IFT80: variants seen among roughly 807,000 people sequenced by gnomAD.
IFT80 encodes intraflagellar transport protein 80 homolog.
A neutral mutation model predicts 107.9 loss-of-function variants in IFT80; 79 were observed. The ratio of observed to expected loss-of-function variants is 0.73; its 90% confidence interval spans 0.61 to 0.88. The LOEUF (loss-of-function observed/expected upper bound fraction) is 0.88. IFT80 is among the 40% of genes least tolerant of loss of function. The probability of loss-of-function intolerance (pLI) is 0.00; values close to 1 mark genes in which losing one functional copy is unlikely to be tolerated. For missense variants in IFT80, 797 were observed against 914.2 expected, an observed-to-expected ratio of 0.87 and a Z score of 1.65; for synonymous variants, 299 against 300.9, an observed-to-expected ratio of 0.99 and a Z score of 0.07.
chr3:160,332,012 TC>T (rs75947159), intron 8 of IFT80, among the ~76,000 whole-genome samples: 32,078 of 151,998 alleles, frequency 0.21, 3,718 homozygotes, highest in Non-Finnish European at 0.26. Flanking sequence ...CTATAAAATT[TC>T]CCAGTCTGGA....
At chr3:160,334,886 A>T (rs2108323530) in intron 8 of IFT80, among the ~76,000 whole-genome samples, 1 of 151,778 alleles carries the variant, frequency 6.6e-6, no homozygotes, top group African/African-American at 2.4e-5. Context: ...TTCCTGACTT[A>T]CACAGGGAAT....
intron 6 of IFT80, among the ~76,000 whole-genome samples, chr3:160,362,631 G>A (rs1721577806): frequency 6.6e-6 from 1 of 152,154 alleles, no homozygotes; most frequent in Admixed American, 6.6e-5. Flanking sequence ...AAAAAGTACT[G>A]GCAAACTGAA....
At chr3:160,372,081 C>G (rs572016156) in intron 5 of IFT80, among the ~76,000 whole-genome samples, 1 of 152,272 alleles carries the variant, frequency 6.6e-6, no homozygotes, top group East Asian at 1.9e-4. Flanking sequence ...AAGTTAATGA[C>G]TAAAGCTTTT....
chr3:160,301,932 A>G (rs1165957676), intron 11 of IFT80, among the ~76,000 whole-genome samples: 2 of 151,992 alleles, frequency 1.3e-5, no homozygotes, highest in Non-Finnish European at 2.9e-5. Flanking sequence ...GAATGTCTAC[A>G]GTGTATATAT....
At chr3:160,382,663 T>C (rs997901233) in intron 2 of IFT80, among the ~76,000 whole-genome samples, 8 of 152,214 alleles carry the variant, frequency 5.3e-5, no homozygotes, top group African/African-American at 1.4e-4. Context: ...AGATTATTCC[T>C]GGTTGAGTTG....
chr3:160,314,415 C>T (rs1056056110), intron 9 of IFT80, among the ~76,000 whole-genome samples: 1 of 152,158 alleles, frequency 6.6e-6, no homozygotes, highest in South Asian at 2.1e-4. Context: ...TGGGCTGCTT[C>T]CTGGAGGCAA....
At chr3:160,324,630 C>T (rs917763642) in intron 8 of IFT80, among the ~76,000 whole-genome samples, 16 of 152,040 alleles carry the variant, frequency 1.1e-4, no homozygotes, top group Non-Finnish European at 2.2e-4. Context: ...GGACATATCT[C>T]AAAATAATAA....
At position 160,257,301 on chromosome 3, in the gene IFT80, G is replaced by GTGTA. The variant is rs1049483886; in HGVS notation, c.*1223_*1224insTACA. The GTGTA allele has an allele frequency of 6.7e-6, 1 of 150,152 alleles. No homozygotes were observed. Among genetic ancestry groups the GTGTA allele is most frequent in the African/African-American group, 2.4e-5 (1 of 40,938 alleles). 9.3% of individuals were successfully genotyped at this position (150,152 alleles called of 1,614,324 possible). A position where few individuals can be genotyped will look rare whatever the true frequency, so the allele number is the denominator to read the frequency against. On this transcript the variant is annotated 3_prime_UTR_variant, in exon 20 of 20. Transcript: ENST00000326448. ...TCTCTCTATCCCTTTGTGTGTGTGTGTATATATATATATATCATACATAAT... is the reference window on the plus strand; with the variant it reads ...TCTCTCTATCCCTTTGTGTGTGTGTGTGTATATATATATATATATCATACATAAT...
chr3:160,364,944 A>T (rs1391135265), intron 6 of IFT80, among the ~76,000 whole-genome samples: 1 of 152,024 alleles, frequency 6.6e-6, no homozygotes, highest in Non-Finnish European at 1.5e-5. Flanking sequence ...TGGCACATGT[A>T]TACCTATGTA....
At chr3:160,293,819 G>C (rs1196964967) in intron 12 of IFT80, among the ~76,000 whole-genome samples, 5 of 152,158 alleles carry the variant, frequency 3.3e-5, no homozygotes, top group African/African-American at 1.2e-4. Context: ...GCTGGAAACT[G>C]AGTGCAATCA....
intron 5 of IFT80, among the ~76,000 whole-genome samples, chr3:160,372,577 C>G (rs770555026): frequency 2.0e-5 from 3 of 152,308 alleles, no homozygotes; most frequent in Middle Eastern, 3.4e-3. Flanking sequence ...CATAGTTCTA[C>G]AGTAAGTTTG....
intron 10 of IFT80, among the ~76,000 whole-genome samples, chr3:160,306,854 GTATT>G (rs1396493277): frequency 6.6e-6 from 1 of 152,144 alleles, no homozygotes; most frequent in Non-Finnish European, 1.5e-5. Flanking sequence ...TCATTCAAAA[GTATT>G]TATTAAGTAC....
chr3:160,382,118 T>C (rs1477357322), intron 2 of IFT80, among the ~76,000 whole-genome samples: 1 of 152,184 alleles, frequency 6.6e-6, no homozygotes, highest in Admixed American at 6.5e-5. Context: ...ACTATACTTT[T>C]TTCTTTATAT....
intron 3 of IFT80, among the ~76,000 whole-genome samples, chr3:160,379,223 AAT>A (rs1712278078): frequency 6.6e-6 from 1 of 152,200 alleles, no homozygotes; most frequent in African/African-American, 2.4e-5. Context: ...AGAACTATAA[AAT>A]AACAGGCATA....
chr3:160,332,060 T>C (rs1408598550), intron 8 of IFT80, among the ~76,000 whole-genome samples: 1 of 152,204 alleles, frequency 6.6e-6, no homozygotes, highest in Non-Finnish European at 1.5e-5. Flanking sequence ...TATTTAACAT[T>C]TCCTCTGTCC....
chr3:160,363,625 T>C (rs1721654145), intron 6 of IFT80, among the ~76,000 whole-genome samples: 2 of 150,464 alleles, frequency 1.3e-5, no homozygotes, highest in South Asian at 4.2e-4. Context: ...ACTACAAGGC[T>C]ACCACAACAG....
intron 8 of IFT80, 68 bp from the exon 9 acceptor site, chr3:160,320,007 G>A: frequency 9.3e-7 from 1 of 1,072,096 alleles, no homozygotes; most frequent in Non-Finnish European, 1.4e-6. Context: ...TTTAAATCAG[G>A]CACATGACAA....
chr3:160,388,078 A>G (rs891693779), intron 1 of IFT80, among the ~76,000 whole-genome samples: 1 of 152,232 alleles, frequency 6.6e-6, no homozygotes, highest in African/African-American at 2.4e-5. Flanking sequence ...ATGTCAAGAT[A>G]ATGACAAGAA....
chr3:160,327,347 A>C (rs1480224519), intron 8 of IFT80, among the ~76,000 whole-genome samples: 1 of 152,132 alleles, frequency 6.6e-6, no homozygotes, highest in Non-Finnish European at 1.5e-5. Context: ...ATATGGAGCC[A>C]AAAAAGAGCC....
Sources: gnomAD v4.1 joint callset for allele counts (sites outside exome capture counted in the v4.1 genomes callset) on GRCh38, gnomAD v4.1.1 for gene constraint, MANE v1.5 for transcripts, NCBI Gene and HGNC (gene_info 2026-07-23, HGNC 2026-07-21) for gene names.